Variants in MARCHF1 observed in about 807,000 individuals in gnomAD.
The protein encoded by MARCHF1 is E3 ubiquitin-protein ligase MARCHF1.
In MARCHF1, 40 loss-of-function variants were observed where a neutral mutation model predicts 54.2. The ratio of observed to expected loss-of-function variants is 0.74; its 90% CI spans 0.57 to 0.96. MARCHF1 has a LOEUF of 0.96. MARCHF1 is among the 40% of genes least tolerant of loss of function. The pLI is 0.00. For synonymous variants in MARCHF1, 236 were observed against 236.3 expected, an observed-to-expected ratio of 1.00 and a Z score of 0.01; for missense variants, 586 against 656.5, an observed-to-expected ratio of 0.89 and a Z score of 1.17.
intron 4 of MARCHF1, among the ~76,000 whole-genome samples, chr4:163,817,799 A>T (rs1748582100): frequency 6.6e-6 from 1 of 151,924 alleles, no homozygotes; most frequent in South Asian, 2.1e-4. Context: ...GGATGAGTTC[A>T]TGTCCTTTGT....
At chr4:163,551,035 G>A (rs1739092657) in intron 8 of MARCHF1, among the ~76,000 whole-genome samples, 1 of 152,130 alleles carries the variant, frequency 6.6e-6, no homozygotes, top group Non-Finnish European at 1.5e-5. Context: ...TGACCTCCGT[G>A]GAGTTTATAT....
Position 163,913,928 on chromosome 4 carries a change from G to A in MARCHF1, c.-38-59759C>T, listed in dbSNP as rs1038768787. 3.3e-4 allele frequency among the ~76,000 whole-genome samples: 51 copies of A among 152,270 alleles called. No homozygotes were observed. In the Middle Eastern group the frequency reaches 0.01, roughly 30 times the overall value. ...TCATTAACATTTGCACAGTGGGGGC[G>A]GCAGACTACAAAACAGGCGTGAGTC... On this transcript the variant is annotated intron_variant, in intron 3 of 9. Transcript: ENST00000514618.
Position 164,124,578 on chromosome 4 carries a change from C to T in MARCHF1, c.-322-12916G>A, listed in dbSNP as rs372274320. Among the ~76,000 whole-genome samples, 36 of 151,756 alleles carry T rather than the reference C, an allele frequency of 2.4e-4. 1 individual carries two copies. In the East Asian group the frequency reaches 2.7e-3, roughly 11 times the overall value. On this transcript the variant is annotated intron_variant, in intron 1 of 9. Coordinates refer to ENST00000514618, the MANE Select transcript of MARCHF1 (RefSeq NM_001394959.1). ...AAGAAAATGTGTTACATATACACAA[C>T]GGAGTACTATTCTGCCATAAAAATA...
chr4:163,871,636 T>TA (rs1750171190), intron 3 of MARCHF1, among the ~76,000 whole-genome samples: 2 of 152,200 alleles, frequency 1.3e-5, no homozygotes, highest in Non-Finnish European at 2.9e-5. Flanking sequence ...TTTATTATGT[T>TA]AAAATATATG....
chr4:163,997,925 T>TACACACACACACACAC (rs5863648), intron 2 of MARCHF1, among the ~76,000 whole-genome samples: 5 of 148,218 alleles, frequency 3.4e-5, no homozygotes, highest in African/African-American at 1.2e-4. Flanking sequence ...TTGCCTTAAA[T>TACACACACACACACAC]ACACACACAC....
intron 3 of MARCHF1, among the ~76,000 whole-genome samples, chr4:163,880,219 A>C (rs1750385751): frequency 6.6e-6 from 1 of 151,684 alleles, no homozygotes; most frequent in Non-Finnish European, 1.5e-5. Flanking sequence ...AATGCTGATC[A>C]ATACATTAGC....
At chr4:163,544,696 T>C (rs1738836150) in intron 9 of MARCHF1, among the ~76,000 whole-genome samples, 1 of 125,478 alleles carries the variant, frequency 8.0e-6, no homozygotes, top group South Asian at 2.5e-4. Context: ...ATTTATATTT[T>C]TCTTACCTCC....
chr4:164,277,655 A>G (rs1258379828), intron 1 of MARCHF1, among the ~76,000 whole-genome samples: 2 of 152,248 alleles, frequency 1.3e-5, no homozygotes, highest in Non-Finnish European at 2.9e-5. Flanking sequence ...TCTGGCCTCC[A>G]GCCCATTTAT....
At chr4:164,036,744 A>G (rs1754014588) in intron 2 of MARCHF1, among the ~76,000 whole-genome samples, 1 of 152,312 alleles carries the variant, frequency 6.6e-6, no homozygotes, top group East Asian at 1.9e-4. Context: ...TCTCAATGTC[A>G]TACCATCACA....
intron 1 of MARCHF1, among the ~76,000 whole-genome samples, chr4:164,308,980 A>C (rs1734771107): frequency 6.6e-6 from 1 of 151,434 alleles, no homozygotes; most frequent in Admixed American, 6.6e-5. Context: ...AAAAAAAAAG[A>C]AAGAGAAAGG....
At chr4:163,605,294 CAT>C (rs1297118127) in intron 7 of MARCHF1, among the ~76,000 whole-genome samples, 7 of 151,988 alleles carry the variant, frequency 4.6e-5, no homozygotes, top group African/African-American at 7.2e-5. Context: ...AGCCAACAAA[CAT>C]ATGAAAAAAA....
intron 2 of MARCHF1, among the ~76,000 whole-genome samples, chr4:163,994,064 G>A (rs1257512738): frequency 6.6e-6 from 1 of 151,972 alleles, no homozygotes; most frequent in African/African-American, 2.4e-5. Context: ...AGTAAATCTA[G>A]CTGAACAAGG....
At chr4:164,312,292 G>T (rs1734871133) in intron 1 of MARCHF1, among the ~76,000 whole-genome samples, 1 of 150,136 alleles carries the variant, frequency 6.7e-6, no homozygotes, top group South Asian at 2.1e-4. Context: ...AAAAGCAAAT[G>T]AAGCACCTGT....
intron 1 of MARCHF1, among the ~76,000 whole-genome samples, chr4:164,306,769 G>A (rs552334520): frequency 3.9e-5 from 6 of 152,082 alleles, no homozygotes; most frequent in Admixed American, 3.3e-4. Context: ...CACTGATCTG[G>A]AAAAGAGAGC....
chr4:164,268,377 A>C (rs373729920), intron 1 of MARCHF1, among the ~76,000 whole-genome samples: 5 of 152,230 alleles, frequency 3.3e-5, no homozygotes, highest in East Asian at 1.9e-4. Context: ...GGAAATGAGG[A>C]GTGAAGAGGA....
At position 163,964,119 on chromosome 4, in the gene MARCHF1, A is replaced by G. The variant is rs112640925; in HGVS notation, c.-39+24382T>C. ...CCTAATCATTTTCACAATCACCTGC[A>G]CCGGTGCTTACCATCACTTCCTCTA... On this transcript the variant is annotated intron_variant, in intron 3 of 9. Transcript: ENST00000514618. 2.6e-3 allele frequency among the ~76,000 whole-genome samples: 399 copies of G among 152,106 alleles called. 3 individuals are homozygous for G. Among genetic ancestry groups the G allele is most frequent in the African/African-American group, 9.3e-3 (385 of 41,528 alleles).
intron 1 of MARCHF1, among the ~76,000 whole-genome samples, chr4:164,206,724 C>G (rs1731617096): frequency 6.6e-6 from 1 of 152,026 alleles, no homozygotes; most frequent in Non-Finnish European, 1.5e-5. Flanking sequence ...ATTTTATTTT[C>G]AAAGACTATA....
intron 2 of MARCHF1, among the ~76,000 whole-genome samples, chr4:164,042,434 C>A (rs566626969): frequency 6.6e-6 from 1 of 152,136 alleles, no homozygotes; most frequent in African/African-American, 2.4e-5. Flanking sequence ...GGAGAGAGAG[C>A]AAAGAGGGGA....
At chr4:164,018,716 C>T (rs1753598876) in intron 2 of MARCHF1, among the ~76,000 whole-genome samples, 1 of 152,066 alleles carries the variant, frequency 6.6e-6, no homozygotes, top group Admixed American at 6.6e-5. Flanking sequence ...GTATAATTGA[C>T]ATAACTTCTT....
Sources: allele counts gnomAD v4.1 joint callset (sites outside exome capture counted in the v4.1 genomes callset), GRCh38; gene constraint gnomAD v4.1.1; transcripts MANE v1.5; gene names NCBI Gene and HGNC (gene_info 2026-07-23, HGNC 2026-07-21).